Variants in AKR1C3 observed in about 807,000 individuals in gnomAD.
AKR1C3 encodes the protein 3-alpha hydroxysteroid dehydrogenase, type II.
A neutral mutation model predicts 43.6 loss-of-function variants in AKR1C3; 48 were observed. The ratio of observed to expected loss-of-function variants is 1.10; its 90% confidence interval spans 0.87 to 1.40. The LOEUF (loss-of-function observed/expected upper bound fraction) is 1.40. Ranked by LOEUF, AKR1C3 falls within the 40% of genes most tolerant of loss-of-function variation. The pLI is 0.00. For missense variants in AKR1C3, 482 were observed against 391.2 expected, an observed-to-expected ratio of 1.23 and a Z score of -1.96; for synonymous variants, 162 against 139.6, an observed-to-expected ratio of 1.16 and a Z score of -1.13.
upstream of AKR1C3, among the ~76,000 whole-genome samples, chr10:5,092,942 G>A (rs1165770188): frequency 2.6e-5 from 4 of 151,914 alleles, no homozygotes; most frequent in East Asian, 3.9e-4. Context: ...GTGTCATGAC[G>A]ATTATCAACT....
At chr10:5,104,934 T>A (rs1839461172) in intron 7 of AKR1C3, among the ~76,000 whole-genome samples, 1 of 152,202 alleles carries the variant, frequency 6.6e-6, no homozygotes, top group Non-Finnish European at 1.5e-5. Context: ...AACTTGTTCA[T>A]GTTTTTTATT....
chr10:5,092,854 G>C (rs1373351351), upstream of AKR1C3, among the ~76,000 whole-genome samples: 1 of 151,814 alleles, frequency 6.6e-6, no homozygotes, highest in Non-Finnish European at 1.5e-5. Flanking sequence ...GTGTTTTCCT[G>C]TTTCTTTATA....
chr10:5,097,686 C>G, intron 3 of AKR1C3, 136 bp downstream of exon 3: 2 of 1,532,998 alleles, frequency 1.3e-6, no homozygotes, highest in South Asian at 1.2e-5. Context: ...AGTGGAACAC[C>G]TAATTTCCTT....
intron 7 of AKR1C3, 94 bp downstream of exon 7, chr10:5,102,744 C>A: frequency 1.3e-6 from 2 of 1,498,814 alleles, no homozygotes; most frequent in Non-Finnish European, 1.8e-6. Flanking sequence ...TGGGCCAGCT[C>A]CATTTCCCTG....
At chr10:5,105,465 A>T in intron 7 of AKR1C3, 130 bp from the exon 8 acceptor site, 1 of 634,222 alleles carries the variant, frequency 1.6e-6, no homozygotes, top group Non-Finnish European at 2.7e-6. Flanking sequence ...CTGAGTGTTT[A>T]GAGCTGACTT....
chr10:5,106,477 G>T (rs4584484), intron 8 of AKR1C3, among the ~76,000 whole-genome samples: 2 of 151,912 alleles, frequency 1.3e-5, no homozygotes, highest in African/African-American at 4.8e-5. Flanking sequence ...ATGGCCGGGC[G>T]CAGTGGCTCA....
intron 1 of AKR1C3, among the ~76,000 whole-genome samples, chr10:5,061,605 G>A (rs1308528237): frequency 6.6e-6 from 1 of 152,144 alleles, no homozygotes; most frequent in Non-Finnish European, 1.5e-5. Context: ...GTGCATAAAA[G>A]GAAACTTTCT....
chr10:5,087,568 G>A (rs1180527762), intron 1 of AKR1C3, among the ~76,000 whole-genome samples: 2 of 151,626 alleles, frequency 1.3e-5, no homozygotes, highest in Non-Finnish European at 2.9e-5. Context: ...TAGAGGCGGG[G>A]TTTCACCATG....
At chr10:5,063,385 T>G (rs1313460462) in intron 1 of AKR1C3, among the ~76,000 whole-genome samples, 2 of 151,988 alleles carry the variant, frequency 1.3e-5, no homozygotes, top group African/African-American at 4.8e-5. Context: ...TAGAATATAC[T>G]CCACAGGAAA....
intron 1 of AKR1C3, among the ~76,000 whole-genome samples, chr10:5,072,773 G>A (rs1554781432): frequency 1.3e-5 from 2 of 152,204 alleles, no homozygotes; most frequent in Admixed American, 6.5e-5. Context: ...TTGAAAGAAT[G>A]TTATAAAAAA....
At chr10:5,078,669 C>T (rs1039066303) in intron 1 of AKR1C3, among the ~76,000 whole-genome samples, 3 of 152,172 alleles carry the variant, frequency 2.0e-5, no homozygotes, top group Non-Finnish European at 4.4e-5. Context: ...GAATAGGGAT[C>T]TCACTGGAGG....
intron 1 of AKR1C3, among the ~76,000 whole-genome samples, chr10:5,074,864 C>G (rs550703700): frequency 6.6e-6 from 1 of 152,174 alleles, no homozygotes; most frequent in Non-Finnish European, 1.5e-5. Context: ...TCCGATTGTT[C>G]ACCTACCCCA....
upstream of AKR1C3, chr10:5,093,295 C>T (rs1554784610): frequency 6.6e-6 from 1 of 152,040 alleles, no homozygotes. Context: ...TTTGATCCAC[C>T]ATATTGCTGA....
At chr10:5,102,755 T>C in intron 7 of AKR1C3, 105 bp downstream of exon 7, 2 of 1,509,320 alleles carry the variant, frequency 1.3e-6, no homozygotes, top group Non-Finnish European at 1.8e-6. Context: ...CATTTCCCTG[T>C]ATTTCCCATA....
intron 1 of AKR1C3, among the ~76,000 whole-genome samples, chr10:5,050,844 T>C (rs1449883532): frequency 1.3e-5 from 2 of 152,206 alleles, no homozygotes; most frequent in African/African-American, 4.8e-5. Context: ...CAAATATGTT[T>C]CATAAGGTAG....
In AKR1C3 at chr10:5,107,660, C is replaced by T; in HGVS notation, c.*157C>T. ...CAGCTGAGTCCATAGGCCAGAAAGACAATAAATTTTTATCATTTTGAAATA... is the reference window on the plus strand; with the variant it reads ...CAGCTGAGTCCATAGGCCAGAAAGATAATAAATTTTTATCATTTTGAAATA... On this transcript the variant is annotated 3_prime_UTR_variant, in exon 9 of 9. Transcript: ENST00000380554. 3 of 572,578 alleles carry T rather than the reference C, an allele frequency of 5.2e-6. No homozygotes were observed. The highest frequency in any genetic ancestry group is 2.4e-5 in the South Asian group (1 of 42,436). 35.5% of individuals were successfully genotyped at this position (572,578 alleles called of 1,614,324 possible).
intron 1 of AKR1C3, among the ~76,000 whole-genome samples, chr10:5,070,061 C>T (rs1367791007): frequency 6.6e-6 from 1 of 152,138 alleles, no homozygotes; most frequent in African/African-American, 2.4e-5. Context: ...GACCCAGGTC[C>T]CTTAAGCAAA....
intron 8 of AKR1C3, 147 bp downstream of exon 8, chr10:5,105,824 AG>A (rs782416782): frequency 1.5e-6 from 1 of 659,750 alleles, no homozygotes; most frequent in Non-Finnish European, 2.7e-6. Flanking sequence ...TTCACTCCAG[AG>A]CTCTGTTCTC....
At chr10:5,088,287 T>C (rs1206851272) in intron 1 of AKR1C3, among the ~76,000 whole-genome samples, 7 of 152,170 alleles carry the variant, frequency 4.6e-5, no homozygotes, top group Non-Finnish European at 8.8e-5. Flanking sequence ...GAAAAATGTG[T>C]ATTCTGTAGT....
Sources: allele counts gnomAD v4.1 joint callset (sites outside exome capture counted in the v4.1 genomes callset), GRCh38; gene constraint gnomAD v4.1.1; transcripts MANE v1.5; gene names NCBI Gene and HGNC (gene_info 2026-07-23, HGNC 2026-07-21).